The following SNX29 variants were observed in gnomAD, a reference collection of about 807,000 sequenced individuals.
SNX29 encodes the protein sorting nexin-29.
SNX29 carries 78 observed loss-of-function variants against 102.1 expected under a neutral mutation model. That is an observed-to-expected ratio of 0.76 (90% CI 0.64 to 0.92). The LOEUF (loss-of-function observed/expected upper bound fraction) is 0.92, where lower values mean the gene tolerates loss of function less well. SNX29 is among the 40% of genes least tolerant of loss of function. The probability of loss-of-function intolerance (pLI) is 0.00; values close to 1 mark genes in which losing one functional copy is unlikely to be tolerated. For synonymous variants in SNX29, 580 were observed against 414.5 expected, an observed-to-expected ratio of 1.40 and a Z score of -4.85; for missense variants, 1,280 against 1,061.7, an observed-to-expected ratio of 1.21 and a Z score of -2.86.
chr16:11,979,295 A>AAAAAAAAAAAC (rs2055366443), intron 1 of SNX29, among the ~76,000 whole-genome samples: 1 of 151,390 alleles, frequency 6.6e-6, no homozygotes, highest in Non-Finnish European at 1.5e-5. Flanking sequence ...AAAAAAAAAA[A>AAAAAAAAAAAC]AAAATCGTTA....
chr16:12,358,746 A>G (rs955757486), intron 16 of SNX29, among the ~76,000 whole-genome samples: 1 of 152,170 alleles, frequency 6.6e-6, no homozygotes, highest in African/African-American at 2.4e-5. Context: ...TTCGTCTTAG[A>G]CCATACCCTT....
chr16:12,350,623 G>A (rs570463432), intron 15 of SNX29, among the ~76,000 whole-genome samples: 106 of 152,244 alleles, frequency 7.0e-4, no homozygotes, highest in Admixed American at 1.4e-3. Context: ...GACAAGTGGA[G>A]GAGCTTCTGC....
intron 11 of SNX29, among the ~76,000 whole-genome samples, chr16:12,099,753 C>T (rs976018382): frequency 8.5e-5 from 13 of 152,158 alleles, no homozygotes; most frequent in South Asian, 4.2e-4. Context: ...GGCTGAGGGA[C>T]GGAGCAGAAT....
In SNX29 at chr16:12,452,339, G is replaced by A. The variant is rs534520163; in HGVS notation, c.2038-25380G>A. ...GTGCAGGCTAGGGATGCAGTGGAAT[G>A]TCTCACAATGCACAGGACAGCTCCC... is the stretch of plus-strand genomic sequence containing the variant. On this transcript the variant is annotated intron_variant, in intron 18 of 20. Coordinates refer to ENST00000566228, the MANE Select transcript of SNX29 (RefSeq NM_032167.5). 6.6e-4 allele frequency among the ~76,000 whole-genome samples: 13 copies of A among 19,682 alleles called. No individual in the cohort carries two copies. In the African/African-American group the frequency reaches 7.0e-3, roughly 11 times the overall value. The allele number at this position is 19,682 out of a possible 152,430, so 12.9% of individuals were successfully genotyped here.
chr16:12,559,701 A>G (rs539853533), intron 20 of SNX29, among the ~76,000 whole-genome samples: 104 of 152,200 alleles, frequency 6.8e-4, no homozygotes, highest in Middle Eastern at 3.4e-3. Flanking sequence ...CGAGCTTCCC[A>G]TCTCCCATGG....
chr16:12,561,743 A>G (rs1054796923), intron 20 of SNX29, among the ~76,000 whole-genome samples: 1 of 152,072 alleles, frequency 6.6e-6, no homozygotes, highest in Non-Finnish European at 1.5e-5. Flanking sequence ...GAGGATGGAG[A>G]TGGAGTTTCT....
Position 12,327,018 on chromosome 16 carries a change from A to C in SNX29, c.1783-29145A>C, listed in dbSNP as rs187795663. Among the ~76,000 whole-genome samples, 8 of 152,278 alleles carry C rather than the reference A, an allele frequency of 5.3e-5. No homozygotes were observed. In the East Asian group the frequency reaches 7.7e-4, roughly 15 times the overall value. On this transcript the variant is annotated intron_variant, in intron 15 of 20. Coordinates refer to ENST00000566228, the MANE Select transcript of SNX29 (RefSeq NM_032167.5). The stretch of plus-strand genomic sequence containing the variant: ...ATGATGGGGTTGACCGATGGGGCTG[A>C]TGGGCTGCTGGGTTGCTCTGTGAGA...
intron 15 of SNX29, among the ~76,000 whole-genome samples, chr16:12,283,978 C>T (rs903890807): frequency 6.6e-6 from 1 of 152,218 alleles, no homozygotes; most frequent in Admixed American, 6.5e-5. Context: ...GACACCAGAA[C>T]AGAAACAACC....
At chr16:12,011,939 A>G (rs1218624808) in intron 3 of SNX29, among the ~76,000 whole-genome samples, 1 of 152,208 alleles carries the variant, frequency 6.6e-6, no homozygotes, top group Non-Finnish European at 1.5e-5. Flanking sequence ...TTAAAACGTA[A>G]TAAACTCAAA....
intron 18 of SNX29, among the ~76,000 whole-genome samples, chr16:12,415,191 C>T (rs1033556610): frequency 6.6e-6 from 1 of 152,254 alleles, no homozygotes; most frequent in Admixed American, 6.5e-5. Context: ...CACAAACTGG[C>T]AGTGAGTGGG....
At chr16:12,157,479 G>A (rs762010953) in intron 13 of SNX29, among the ~76,000 whole-genome samples, 13 of 152,150 alleles carry the variant, frequency 8.5e-5, no homozygotes, top group African/African-American at 1.2e-4. Context: ...CACAGCAGCC[G>A]TTTCCTGGGT....
At chr16:12,480,872 G>A (rs921717082) in intron 19 of SNX29, among the ~76,000 whole-genome samples, 8 of 152,244 alleles carry the variant, frequency 5.3e-5, no homozygotes, top group African/African-American at 1.4e-4. Flanking sequence ...CTGTTTTGTT[G>A]TTGTTGTTTG....
chr16:12,199,017 G>A lies in SNX29; in HGVS notation c.1596-584G>A, dbSNP rs187469918. On this transcript the variant is annotated intron_variant, in intron 13 of 20. Transcript: ENST00000566228. The stretch of plus-strand genomic sequence containing the variant: ...TACCCTGGGTTCTGTGTTCCTTAGT[G>A]TAATCTTACATGGGGGTGGATGTGG... 8.1e-4 allele frequency among the ~76,000 whole-genome samples: 124 copies of A among 152,222 alleles called. 2 individuals carry two copies. The highest frequency in any genetic ancestry group is 3.4e-3 in the Middle Eastern group (1 of 294).
At position 12,569,968 on chromosome 16, in the gene SNX29, G is replaced by A. The variant is rs1294228808; in HGVS notation, c.*1339G>A. On this transcript the variant is annotated 3_prime_UTR_variant, in exon 21 of 21. Transcript: ENST00000566228. ...AGGTGACGGTTAGATGGTAAGCCAT[G>A]GGCTTGTCCTGGAACTGCTTCAACT... is the stretch of plus-strand genomic sequence containing the variant. 2 of 238,580 alleles carry A rather than the reference G, an allele frequency of 8.4e-6. No individual in the cohort carries two copies. Among genetic ancestry groups the A allele is most frequent in the Non-Finnish European group, 8.1e-6 (1 of 123,296 alleles). The allele number at this position is 238,580 out of a possible 1,614,324, so 14.8% of individuals were successfully genotyped here.
intron 11 of SNX29, among the ~76,000 whole-genome samples, chr16:12,111,553 C>T (rs945142808): frequency 6.6e-6 from 1 of 152,184 alleles, no homozygotes; most frequent in African/African-American, 2.4e-5. Context: ...AGGTTCCCGG[C>T]CCCTTCCCAC....
intron 14 of SNX29, among the ~76,000 whole-genome samples, chr16:12,222,592 A>T (rs1861587451): frequency 6.6e-6 from 1 of 151,918 alleles, no homozygotes; most frequent in African/African-American, 2.4e-5. Context: ...TCTTTGAGAC[A>T]GAGTCTCTCT....
chr16:12,382,798 G>A (rs1474973809), intron 16 of SNX29, among the ~76,000 whole-genome samples: 3 of 152,058 alleles, frequency 2.0e-5, no homozygotes, highest in African/African-American at 4.8e-5. Flanking sequence ...GTTTATGGCC[G>A]TGTCACACCA....
At chr16:12,269,348 A>G (rs2079024817) in intron 14 of SNX29, among the ~76,000 whole-genome samples, 1 of 152,248 alleles carries the variant, frequency 6.6e-6, no homozygotes, top group South Asian at 2.1e-4. Flanking sequence ...TTGGCACGAG[A>G]TTAAAATGGC....
chr16:11,999,416 G>A lies in SNX29; in HGVS notation c.69+58G>A, dbSNP rs1390006661. 9 of 1,557,630 alleles carry A rather than the reference G, an allele frequency of 5.8e-6. No homozygotes were observed. The Admixed American group carries it at 1.5e-4, about 26-fold the overall frequency. On this transcript the variant is annotated intron_variant, in intron 2 of 20. Coordinates refer to ENST00000566228, the MANE Select transcript of SNX29 (RefSeq NM_032167.5). ...CGAGTAATAGTGTCAGATAATTAAT[G>A]TAGGTCATTTCTTCCCTATAACATA...
Sources: gnomAD v4.1 joint callset for allele counts (sites outside exome capture counted in the v4.1 genomes callset) on GRCh38, gnomAD v4.1.1 for gene constraint, MANE v1.5 for transcripts, NCBI Gene and HGNC (gene_info 2026-07-23, HGNC 2026-07-21) for gene names.